CNBD1: variants seen among roughly 807,000 people sequenced by gnomAD.
CNBD1 encodes cyclic nucleotide-binding domain-containing protein 1.
A neutral mutation model predicts 54.4 loss-of-function variants in CNBD1; 71 were observed. That is an observed-to-expected ratio of 1.30 (90% confidence interval 1.08 to 1.59). The LOEUF is 1.59. Ranked by LOEUF, CNBD1 falls within the 40% of genes most tolerant of loss-of-function variation. The pLI is 0.00. For missense variants in CNBD1, 659 were observed against 518.0 expected, an observed-to-expected ratio of 1.27 and a Z score of -2.64; for synonymous variants, 182 against 170.7, an observed-to-expected ratio of 1.07 and a Z score of -0.51.
At chr8:86,911,539 C>A (rs903136721) in intron 3 of CNBD1, among the ~76,000 whole-genome samples, 11 of 151,518 alleles carry the variant, frequency 7.3e-5, no homozygotes, top group African/African-American at 2.7e-4. Flanking sequence ...GTATAATAAT[C>A]AAATCATGGT....
chr8:86,907,099 T>G (rs1223687152), intron 3 of CNBD1, among the ~76,000 whole-genome samples: 1 of 152,228 alleles, frequency 6.6e-6, no homozygotes, highest in Non-Finnish European at 1.5e-5. Context: ...TATCTCTGCC[T>G]CCTCTTTGCT....
intron 5 of CNBD1, among the ~76,000 whole-genome samples, chr8:87,206,988 C>T (rs982155043): frequency 6.6e-6 from 1 of 152,034 alleles, no homozygotes; most frequent in African/African-American, 2.4e-5. Context: ...TAAAACTTAA[C>T]TGGAATTTTA....
intron 3 of CNBD1, among the ~76,000 whole-genome samples, chr8:86,918,787 GCTAT>G (rs1395307861): frequency 7.3e-6 from 1 of 136,666 alleles, no homozygotes; most frequent in Non-Finnish European, 1.6e-5. Context: ...TAATACACAT[GCTAT>G]CTTTCTTTAA....
intron 2 of CNBD1, among the ~76,000 whole-genome samples, chr8:87,391,950 A>T (rs1182197385): frequency 1.3e-5 from 2 of 152,092 alleles, no homozygotes; most frequent in Non-Finnish European, 2.9e-5. Flanking sequence ...CAAAGACTTT[A>T]TACCCAGCAT....
chr8:87,137,631 C>T (rs1022151312), intron 4 of CNBD1, among the ~76,000 whole-genome samples: 3 of 152,244 alleles, frequency 2.0e-5, no homozygotes, highest in African/African-American at 7.2e-5. Context: ...TCCTGAAAGA[C>T]GTGCCACCTT....
intron 8 of CNBD1, among the ~76,000 whole-genome samples, chr8:87,347,172 T>G (rs1263462070): frequency 2.0e-5 from 3 of 152,198 alleles, no homozygotes; most frequent in Non-Finnish European, 4.4e-5. Flanking sequence ...TTATTAATGT[T>G]TTTTGATAAA....
At position 87,409,127 on chromosome 8, in the gene CNBD1, T is replaced by A. The variant is rs145424386; in HGVS notation, c.214-19419T>A. Among the ~76,000 whole-genome samples, 85 of 152,300 alleles carry A rather than the reference T, an allele frequency of 5.6e-4. 1 individual carries two copies. The highest frequency in any genetic ancestry group is 1.7e-3 in the African/African-American group (72 of 41,588). On this transcript the variant is annotated intron_variant, in intron 2 of 7. Coordinates refer to the CNBD1 transcript ENST00000521593. The stretch of plus-strand genomic sequence containing the variant: ...TCGAAAGCTGAGAAAGGCTGAAAGC[T>A]TTTAGCTAAATAGTAGCCATGTTTT...
intron 8 of CNBD1, among the ~76,000 whole-genome samples, chr8:87,296,200 C>T (rs552485868): frequency 6.6e-6 from 1 of 152,200 alleles, no homozygotes; most frequent in South Asian, 2.1e-4. Context: ...TGTGATCCAC[C>T]ATTCCTGTCT....
intron 6 of CNBD1, among the ~76,000 whole-genome samples, chr8:87,271,781 G>A (rs9886603): frequency 0.28 from 41,484 of 150,176 alleles, 6,000 homozygotes; most frequent in African/African-American, 0.38. Context: ...AAATAAATTA[G>A]TATATCAAAG....
intron 4 of CNBD1, among the ~76,000 whole-genome samples, chr8:87,199,636 T>G (rs1813810395): frequency 1.3e-5 from 2 of 152,236 alleles, no homozygotes. Flanking sequence ...ATTGCTAGAA[T>G]TTCTTCATCT....
At chr8:87,187,199 C>T (rs936805810) in intron 4 of CNBD1, among the ~76,000 whole-genome samples, 1 of 123,038 alleles carries the variant, frequency 8.1e-6, no homozygotes, top group Admixed American at 9.0e-5. Context: ...TATATCTGCA[C>T]ATATCTATCT....
chr8:87,240,408 C>A (rs1807670469), intron 6 of CNBD1, among the ~76,000 whole-genome samples: 2 of 152,018 alleles, frequency 1.3e-5, no homozygotes, highest in Middle Eastern at 3.4e-3. Flanking sequence ...TTTTTTTTTA[C>A]ACCAAAGTTT....
chr8:87,191,804 A>G (rs913701454), intron 4 of CNBD1, among the ~76,000 whole-genome samples: 2 of 152,192 alleles, frequency 1.3e-5, no homozygotes, highest in Non-Finnish European at 2.9e-5. Context: ...AACAGGGCTT[A>G]TAGCTACCTG....
At chr8:86,939,779 C>T (rs778591256) in intron 4 of CNBD1, 25 bp downstream of exon 4, 1 of 1,353,010 alleles carries the variant, frequency 7.4e-7, no homozygotes, top group East Asian at 2.5e-5. Context: ...TATATTCCTT[C>T]TTCTAATTGA....
In CNBD1 at chr8:87,314,056, G is replaced by T. The variant is rs887752708; in HGVS notation, c.1042+27385G>T. Among the ~76,000 whole-genome samples, 7 of 151,904 alleles carry T rather than the reference G, an allele frequency of 4.6e-5. No individual in the cohort carries two copies. The East Asian group carries it at 1.4e-3, about 29-fold the overall frequency. On this transcript the variant is annotated intron_variant, in intron 8 of 10. Coordinates refer to ENST00000518476, the MANE Select transcript of CNBD1 (RefSeq NM_173538.3). ...AATAATAGCATGAATGCTTTACAGT[G>T]CATAAGTTACTTGATTTGATTACAT...
Position 87,349,179 on chromosome 8 carries a change from A to G in CNBD1, c.1043-2506A>G, listed in dbSNP as rs187339399. Among the ~76,000 whole-genome samples, 460 of 152,156 alleles carry G rather than the reference A, an allele frequency of 3.0e-3. 1 individual carries two copies. The highest frequency in any genetic ancestry group is 5.6e-3 in the Non-Finnish European group (382 of 67,990). ...TGCAGATCATCGTATGTTATTTGTC[A>G]TTTTCTATATAAGGGAGGAGGAAAG... On this transcript the variant is annotated intron_variant, in intron 8 of 10. Coordinates refer to ENST00000518476, the MANE Select transcript of CNBD1 (RefSeq NM_173538.3).
intron 4 of CNBD1, among the ~76,000 whole-genome samples, chr8:86,978,814 G>A (rs79316021): frequency 0.047 from 7,214 of 152,040 alleles, 188 homozygotes; most frequent in African/African-American, 0.054. Flanking sequence ...GATTATGGGC[G>A]TGACCCACCA....
At chr8:86,972,245 T>C (rs1388371902) in intron 4 of CNBD1, among the ~76,000 whole-genome samples, 2 of 152,186 alleles carry the variant, frequency 1.3e-5, no homozygotes, top group Admixed American at 6.6e-5. Context: ...CCACCGTGCC[T>C]GGCCTAAATA....
intron 6 of CNBD1, among the ~76,000 whole-genome samples, chr8:87,254,024 T>C (rs1466057458): frequency 1.3e-5 from 2 of 152,226 alleles, no homozygotes; most frequent in Non-Finnish European, 2.9e-5. Flanking sequence ...AAGTTTTAGA[T>C]TACATTCCTA....
Sources: allele counts gnomAD v4.1 joint callset (sites outside exome capture counted in the v4.1 genomes callset), GRCh38; gene constraint gnomAD v4.1.1; transcripts MANE v1.5; gene names NCBI Gene and HGNC (gene_info 2026-07-23, HGNC 2026-07-21).